Variants in KCNAB1 observed in about 807,000 individuals in gnomAD.
KCNAB1 encodes the protein voltage-gated potassium channel subunit beta-1.
Under a neutral mutation model 64.6 loss-of-function variants are expected in KCNAB1, and 35 were observed. That is an observed-to-expected ratio of 0.54 (90% CI 0.41 to 0.72). KCNAB1 has a LOEUF of 0.72. KCNAB1 is among the 30% of genes least tolerant of loss of function. The pLI is 0.00. For missense variants in KCNAB1, 401 were observed against 512.9 expected (o/e 0.78, Z 2.11); for synonymous variants, 177 against 183.8 (o/e 0.96, Z 0.30).
At chr3:156,413,520 C>T (rs942744689) in intron 1 of KCNAB1, among the ~76,000 whole-genome samples, 1 of 152,142 alleles carries the variant, frequency 6.6e-6, no homozygotes, top group African/African-American at 2.4e-5. Context: ...GAAGTAGTTT[C>T]TATTATTATC....
intron 1 of KCNAB1, among the ~76,000 whole-genome samples, chr3:156,209,405 G>GGGCT (rs1193947878): frequency 6.6e-6 from 1 of 152,190 alleles, no homozygotes; most frequent in Non-Finnish European, 1.5e-5. Flanking sequence ...GGTCATGAAA[G>GGGCT]GGCTCCTGCC....
intron 1 of KCNAB1, among the ~76,000 whole-genome samples, chr3:156,356,406 T>C (rs1473383349): frequency 6.6e-6 from 1 of 151,802 alleles, no homozygotes; most frequent in Non-Finnish European, 1.5e-5. Flanking sequence ...TTTCAAGAAC[T>C]TATTTAAGGT....
chr3:156,145,693 G>A (rs1714998121), intron 1 of KCNAB1, among the ~76,000 whole-genome samples: 1 of 152,068 alleles, frequency 6.6e-6, no homozygotes, highest in African/African-American at 2.4e-5. Flanking sequence ...AAGTTAAACA[G>A]ACCAGAGTTC....
intron 8 of KCNAB1, among the ~76,000 whole-genome samples, chr3:156,511,056 G>T (rs543296247): frequency 2.0e-5 from 3 of 152,136 alleles, no homozygotes; most frequent in South Asian, 4.1e-4. Flanking sequence ...GCTCACTGTC[G>T]TATTTATCCA....
intron 1 of KCNAB1, among the ~76,000 whole-genome samples, chr3:156,205,140 TAGAA>T (rs748199212): frequency 3.2e-4 from 48 of 152,300 alleles, no homozygotes; most frequent in Non-Finnish European, 5.9e-4. Context: ...AAGGGATTCT[TAGAA>T]AGAACATTTT....
intron 2 of KCNAB1, among the ~76,000 whole-genome samples, chr3:156,447,205 C>G (rs939866980): frequency 9.9e-5 from 15 of 152,206 alleles, no homozygotes; most frequent in Middle Eastern, 3.2e-3. Flanking sequence ...TTCATATACT[C>G]TATCCCTGCT....
chr3:156,120,733 A>C lies in KCNAB1; in HGVS notation c.122A>C (p.Asn41Thr). ...AAATCTCCCAAGAAAGCCTCAGAAA[A>C]CGCTAAAGACAGCAGCCTTAGTCCC... ...KDKSPKKASE[N>T]AKDSSLSPSG... The change falls in exon 1 of 14, where the codon AAC becomes ACC. Residue 41 changes from asparagine to threonine, a missense_variant. Asn to Thr is a moderately conservative substitution (Grantham distance 65). Coordinates refer to ENST00000490337, the MANE Select transcript of KCNAB1 (RefSeq NM_172160.3). The C allele has an allele frequency of 6.2e-7, 1 of 1,614,206 alleles. No individual in the cohort carries two copies. The highest frequency in any genetic ancestry group is 8.5e-7 in the Non-Finnish European group (1 of 1,180,020).
chr3:156,398,020 T>A (rs965758806), intron 1 of KCNAB1, among the ~76,000 whole-genome samples: 2 of 152,190 alleles, frequency 1.3e-5, no homozygotes, highest in East Asian at 1.9e-4. Context: ...ATATTTATTT[T>A]AAAAATATAT....
At chr3:156,268,751 T>G (rs1360508246) in intron 1 of KCNAB1, among the ~76,000 whole-genome samples, 1 of 152,216 alleles carries the variant, frequency 6.6e-6, no homozygotes, top group African/African-American at 2.4e-5. Context: ...GCTTCTTATA[T>G]ATTCTGGTTA....
chr3:156,535,675 A>G (rs569278736), intron 13 of KCNAB1, among the ~76,000 whole-genome samples: 1 of 152,328 alleles, frequency 6.6e-6, no homozygotes, highest in South Asian at 2.1e-4. Flanking sequence ...CAATACCAAT[A>G]TACTTCTAGT....
At chr3:156,312,703 C>CAAAAAAAAAAAAAAAAAAAA (rs397991453) in intron 1 of KCNAB1, among the ~76,000 whole-genome samples, 7 of 27,424 alleles carry the variant, frequency 2.6e-4, no homozygotes, top group Non-Finnish European at 2.8e-4. Context: ...AGACTGTCTC[C>CAAAAAAAAAAAAAAAAAAAA]AAAAAAAAAA....
intron 1 of KCNAB1, among the ~76,000 whole-genome samples, chr3:156,408,722 G>GTGAT (rs1309750370): frequency 1.3e-5 from 2 of 152,044 alleles, no homozygotes; most frequent in Non-Finnish European, 2.9e-5. Context: ...AGAGATTGCA[G>GTGAT]TGAGCCAAGA....
chr3:156,298,170 G>A (rs1720922383), intron 1 of KCNAB1, among the ~76,000 whole-genome samples: 1 of 152,210 alleles, frequency 6.6e-6, no homozygotes, highest in African/African-American at 2.4e-5. Context: ...GCATCCATGG[G>A]ATGGTGAGAA....
At chr3:156,437,356 G>A (rs1044455828) in intron 2 of KCNAB1, among the ~76,000 whole-genome samples, 1 of 152,150 alleles carries the variant, frequency 6.6e-6, no homozygotes, top group Non-Finnish European at 1.5e-5. Flanking sequence ...GGGTGTCACA[G>A]GCATAACATG....
At chr3:156,153,951 A>G (rs1479316746) in intron 1 of KCNAB1, among the ~76,000 whole-genome samples, 1 of 152,170 alleles carries the variant, frequency 6.6e-6, no homozygotes, top group Non-Finnish European at 1.5e-5. Flanking sequence ...GTCAATCCCT[A>G]TCTATCCATT....
intron 1 of KCNAB1, among the ~76,000 whole-genome samples, chr3:156,318,908 G>A (rs1373036400): frequency 6.6e-6 from 1 of 152,030 alleles, no homozygotes; most frequent in Non-Finnish European, 1.5e-5. Flanking sequence ...CTTGTTTAAG[G>A]GTCACACAGA....
At chr3:156,277,401 T>C (rs1016083901) in intron 1 of KCNAB1, among the ~76,000 whole-genome samples, 2 of 152,114 alleles carry the variant, frequency 1.3e-5, no homozygotes, top group African/African-American at 4.8e-5. Flanking sequence ...GTTGACTTGC[T>C]CCATGCAGGG....
At chr3:156,223,858 T>C (rs1715958699) in intron 1 of KCNAB1, among the ~76,000 whole-genome samples, 1 of 152,230 alleles carries the variant, frequency 6.6e-6, no homozygotes, top group South Asian at 2.1e-4. Context: ...ACCCAGTGTA[T>C]CCCGCACTGG....
At chr3:156,362,280 T>C (rs1203304017) in intron 1 of KCNAB1, among the ~76,000 whole-genome samples, 2 of 152,254 alleles carry the variant, frequency 1.3e-5, no homozygotes, top group Admixed American at 1.3e-4. Flanking sequence ...TGATTATTAT[T>C]GTAATGAGAA....
Sources: gnomAD v4.1 joint callset for allele counts (sites outside exome capture counted in the v4.1 genomes callset) on GRCh38, gnomAD v4.1.1 for gene constraint, MANE v1.5 for transcripts, NCBI Gene and HGNC (gene_info 2026-07-23, HGNC 2026-07-21) for gene names.